RPS6KA6: variants seen among roughly 807,000 people sequenced by gnomAD.
The protein encoded by RPS6KA6 is ribosomal protein S6 kinase A6, also known as ribosomal protein S6 kinase alpha-6.
Under a neutral mutation model 65.4 loss-of-function variants are expected in RPS6KA6, and 27 were observed. The observed-to-expected ratio is 0.41, with a 90% confidence interval of 0.30 to 0.57. RPS6KA6 has a LOEUF of 0.57. RPS6KA6 is among the 20% of genes least tolerant of loss of function. RPS6KA6 has a pLI of 0.24. For synonymous variants in RPS6KA6, 190 were observed against 184.2 expected (o/e 1.03, Z -0.26); for missense variants, 486 against 555.6 (o/e 0.87, Z 1.26).
chrX:84,135,229 T>A lies in RPS6KA6; in HGVS notation c.502-19A>T. The A allele has an allele frequency of 9.7e-7, 1 of 1,028,947 alleles. No individual in the cohort carries two copies. Among genetic ancestry groups the A allele is most frequent in the Non-Finnish European group, 1.4e-6 (1 of 738,750 alleles). The allele number at this position is 1,028,947 out of a possible 1,213,427, so 84.8% of individuals were successfully genotyped here. On this transcript the variant is annotated intron_variant, in intron 6 of 21. Coordinates refer to ENST00000262752, the MANE Select transcript of RPS6KA6 (RefSeq NM_014496.5). ...ACAGAACCTAGAACAAAATAATGATTTATCATTTGATCTTTCTTTCAATAT... is the reference window on the plus strand; with the variant it reads ...ACAGAACCTAGAACAAAATAATGATATATCATTTGATCTTTCTTTCAATAT...
At chrX:84,152,057 G>A (rs2147570640) in intron 3 of RPS6KA6, among the ~76,000 whole-genome samples, 1 of 111,451 alleles carries the variant, frequency 9.0e-6, no homozygotes, top group South Asian at 3.7e-4. Context: ...GAAAGAAAGA[G>A]TCTAGGCTTT....
chrX:84,143,985 C>T lies in RPS6KA6; in HGVS notation c.501+1493G>A, dbSNP rs1282761035. 3.6e-5 allele frequency among the ~76,000 whole-genome samples: 4 copies of T among 111,048 alleles called. No homozygotes were observed. The South Asian group carries it at 1.1e-3, about 31-fold the overall frequency. ...TATAACAACTGGCTATCTATGTGAA[C>T]AAATGAAAAGGACTTCTGCACATAC... On this transcript the variant is annotated intron_variant, in intron 6 of 21. Coordinates refer to ENST00000262752, the MANE Select transcript of RPS6KA6 (RefSeq NM_014496.5).
intron 3 of RPS6KA6, among the ~76,000 whole-genome samples, chrX:84,149,798 G>T (rs1331025875): frequency 2.7e-5 from 3 of 111,421 alleles, no homozygotes; most frequent in African/African-American, 9.8e-5. Context: ...TGGCAAATGA[G>T]CATTGGCTTC....
At chrX:84,089,237 G>T (rs1332106522) in intron 20 of RPS6KA6, among the ~76,000 whole-genome samples, 1 of 112,019 alleles carries the variant, frequency 8.9e-6, no homozygotes, top group Non-Finnish European at 1.9e-5. Context: ...CCTCGGAGCT[G>T]GCAGGTTAGA....
At chrX:84,152,857 A>T (rs1459879995) in intron 3 of RPS6KA6, among the ~76,000 whole-genome samples, 1 of 111,565 alleles carries the variant, frequency 9.0e-6, no homozygotes, top group Non-Finnish European at 1.9e-5. Flanking sequence ...GTGCTTAAAG[A>T]AATAATTAAA....
intron 2 of RPS6KA6, among the ~76,000 whole-genome samples, chrX:84,163,645 CAAAAA>C (rs1184307765): frequency 4.3e-5 from 2 of 47,013 alleles, no homozygotes; most frequent in Non-Finnish European, 3.7e-5. Context: ...GACTCCGTCT[CAAAAA>C]AAAAAAAAAA....
intron 20 of RPS6KA6, among the ~76,000 whole-genome samples, chrX:84,076,395 C>G (rs2033664492): frequency 1.8e-5 from 2 of 111,437 alleles, no homozygotes; most frequent in Non-Finnish European, 3.8e-5. Context: ...AACACAGATG[C>G]AAAAATTGTA....
intron 20 of RPS6KA6, among the ~76,000 whole-genome samples, chrX:84,072,044 G>C (rs972483152): frequency 9.0e-6 from 1 of 111,528 alleles, no homozygotes; most frequent in Non-Finnish European, 1.9e-5. Context: ...GGATTAAAGA[G>C]GATAGAATCC....
intron 20 of RPS6KA6, among the ~76,000 whole-genome samples, chrX:84,083,294 G>A (rs2033843666): frequency 1.8e-5 from 2 of 111,973 alleles, no homozygotes; most frequent in South Asian, 3.7e-4. Context: ...ATAGGTAAAC[G>A]TCTGCCATGG....
At chrX:84,148,205 C>T in intron 3 of RPS6KA6, 82 bp from the exon 4 acceptor site, 1 of 515,467 alleles carries the variant, frequency 1.9e-6, no homozygotes, top group Non-Finnish European at 3.2e-6. Context: ...CCAGCATACA[C>T]TTATATCCTT....
At chrX:84,066,789 C>T (rs754556984) in intron 20 of RPS6KA6, among the ~76,000 whole-genome samples, 1 of 112,087 alleles carries the variant, frequency 8.9e-6, no homozygotes, top group South Asian at 3.7e-4. Context: ...GACAGACTGC[C>T]TCCTAAAGTG....
chrX:84,105,211 C>T (rs1188503497), intron 16 of RPS6KA6, among the ~76,000 whole-genome samples: 2 of 110,555 alleles, frequency 1.8e-5, no homozygotes, highest in African/African-American at 6.5e-5. Flanking sequence ...TTAAAGATTA[C>T]AAATCAAAGT....
At chrX:84,106,852 A>G in intron 14 of RPS6KA6, 58 bp downstream of exon 14, 1 of 924,635 alleles carries the variant, frequency 1.1e-6, no homozygotes, top group Non-Finnish European at 1.5e-6. Flanking sequence ...AAAATACATC[A>G]GCAATAACAG....
At chrX:84,181,173 C>G (rs1315059065) in intron 1 of RPS6KA6, among the ~76,000 whole-genome samples, 2 of 111,442 alleles carry the variant, frequency 1.8e-5, no homozygotes, top group Admixed American at 1.9e-4. Context: ...ACAGGAGAGG[C>G]AGAGGGATTT....
intron 20 of RPS6KA6, among the ~76,000 whole-genome samples, chrX:84,084,179 G>A (rs2033866262): frequency 8.9e-6 from 1 of 112,254 alleles, no homozygotes. Context: ...TCTGATGATA[G>A]TTTCTTTTGC....
chrX:84,102,987 C>T (rs1371460273), intron 17 of RPS6KA6, among the ~76,000 whole-genome samples: 1 of 111,112 alleles, frequency 9.0e-6, no homozygotes, highest in African/African-American at 3.3e-5. Flanking sequence ...ATAATATGAA[C>T]AAAAACCAGA....
chrX:84,153,498 A>G (rs913999834), intron 3 of RPS6KA6, among the ~76,000 whole-genome samples: 1 of 111,786 alleles, frequency 8.9e-6, no homozygotes, highest in East Asian at 2.8e-4. Context: ...ATAATAATGC[A>G]TGCTTCCTTA....
intron 20 of RPS6KA6, among the ~76,000 whole-genome samples, chrX:84,082,981 A>C (rs1308979264): frequency 8.9e-6 from 1 of 112,488 alleles, no homozygotes; most frequent in East Asian, 2.8e-4. Flanking sequence ...TAAAACCTAA[A>C]ACCATAAAAA....
rs183493006 is a variant in RPS6KA6 at position 84,155,355 on chromosome X, G to T, written c.258+720C>A. Among the ~76,000 whole-genome samples, 59 of 111,095 alleles carry T rather than the reference G, an allele frequency of 5.3e-4. No individual in the cohort carries two copies. The East Asian group carries it at 0.014, about 26-fold the overall frequency. Reference sequence around the variant, plus strand: ...TTTATCTTTCTCCCCTTAAATTGCGGTTTTTCTAAATTGCTGTTTTTCTAA... The same window carrying T: ...TTTATCTTTCTCCCCTTAAATTGCGTTTTTTCTAAATTGCTGTTTTTCTAA... On this transcript the variant is annotated intron_variant, in intron 3 of 21. Transcript: ENST00000262752.
Sources: gnomAD v4.1 joint callset for allele counts (sites outside exome capture counted in the v4.1 genomes callset) on GRCh38, gnomAD v4.1.1 for gene constraint, MANE v1.5 for transcripts, NCBI Gene and HGNC (gene_info 2026-07-23, HGNC 2026-07-21) for gene names.